SPATA17: variants seen among roughly 807,000 people sequenced by gnomAD.
The protein encoded by SPATA17 is spermatogenesis associated 17.
SPATA17 carries 53 observed loss-of-function variants against 62.2 expected under a neutral mutation model. That is an observed-to-expected ratio of 0.85 (90% CI 0.68 to 1.07). The LOEUF (loss-of-function observed/expected upper bound fraction) is 1.07, where lower values mean the gene tolerates loss of function less well. Ranked by LOEUF, SPATA17 falls within the 50% of genes least tolerant of loss-of-function variation. The pLI is 0.00. For synonymous variants in SPATA17, 146 were observed against 146.8 expected, an observed-to-expected ratio of 0.99 and a Z score of 0.04; for missense variants, 466 against 425.5, an observed-to-expected ratio of 1.10 and a Z score of -0.84.
At chr1:217,713,166 G>A (rs888734317) in intron 5 of SPATA17, among the ~76,000 whole-genome samples, 3 of 152,114 alleles carry the variant, frequency 2.0e-5, no homozygotes, top group Admixed American at 6.5e-5. Context: ...GTGAAGGTGT[G>A]GCAAATGGAA....
Position 217,651,113 on chromosome 1 carries a change from G to A in SPATA17, c.175G>A (p.Val59Ile), listed in dbSNP as rs761473708. 1.2e-6 allele frequency: 2 copies of A among 1,608,260 alleles called. No individual in the cohort carries two copies. Among genetic ancestry groups the A allele is most frequent in the African/African-American group, 2.7e-5 (2 of 74,706 alleles). Reference sequence around the variant, plus strand: ...TTATCCTAGGCATTTAAACAGGATTGTAACAATTATTCAAAAATGGTGGAG... The same window carrying A: ...TTATCCTAGGCATTTAAACAGGATTATAACAATTATTCAAAAATGGTGGAG... ...RAYIRHLNRI[V>I]TIIQKWWRSF... The change falls in exon 3 of 11, where the codon GTA (valine) becomes ATA (isoleucine). Residue 59 changes from valine to isoleucine, a missense_variant. By Grantham distance (29) the Val-to-Ile change is conservative (BLOSUM62 3). Transcript: ENST00000366933.
chr1:217,754,674 A>G (rs1271811591), intron 6 of SPATA17, among the ~76,000 whole-genome samples: 1 of 152,110 alleles, frequency 6.6e-6, no homozygotes, highest in East Asian at 1.9e-4. Flanking sequence ...AGTGTCTCTG[A>G]TATTTAATCC....
chr1:217,652,373 A>C (rs1476692469), intron 3 of SPATA17, among the ~76,000 whole-genome samples: 1 of 152,156 alleles, frequency 6.6e-6, no homozygotes, highest in African/African-American at 2.4e-5. Context: ...CTGGGATTAC[A>C]GGCTCCAGCC....
At chr1:217,672,092 A>T (rs1010108617) in intron 4 of SPATA17, among the ~76,000 whole-genome samples, 1 of 152,186 alleles carries the variant, frequency 6.6e-6, no homozygotes, top group African/African-American at 2.4e-5. Flanking sequence ...GATTTTTGCA[A>T]GATGGCACTC....
chr1:217,824,387 T>G (rs1015237409), intron 9 of SPATA17, among the ~76,000 whole-genome samples: 1 of 151,744 alleles, frequency 6.6e-6, no homozygotes, highest in Non-Finnish European at 1.5e-5. Flanking sequence ...CAAGTAGGTA[T>G]AGAATACCAG....
At chr1:217,715,172 CATTAT>C (rs1471532102) in intron 5 of SPATA17, among the ~76,000 whole-genome samples, 5 of 152,072 alleles carry the variant, frequency 3.3e-5, no homozygotes, top group African/African-American at 4.8e-5. Context: ...ACACACATTA[CATTAT>C]ATGTTTAAAA....
At chr1:217,642,991 C>G (rs1670099249) in intron 1 of SPATA17, among the ~76,000 whole-genome samples, 1 of 152,068 alleles carries the variant, frequency 6.6e-6, no homozygotes, top group Non-Finnish European at 1.5e-5. Context: ...ATGCACATTG[C>G]TATTATGTTG....
At chr1:217,795,940 CCTT>C (rs1256734190) in intron 8 of SPATA17, among the ~76,000 whole-genome samples, 3 of 151,956 alleles carry the variant, frequency 2.0e-5, no homozygotes, top group Admixed American at 1.3e-4. Context: ...TGAGACTACA[CCTT>C]CTCACCACCA....
At chr1:217,818,440 C>T (rs375144490) in intron 9 of SPATA17, among the ~76,000 whole-genome samples, 37 of 152,094 alleles carry the variant, frequency 2.4e-4, no homozygotes, top group Admixed American at 9.2e-4. Context: ...TACAGACCTA[C>T]GGTATATGGT....
intron 8 of SPATA17, among the ~76,000 whole-genome samples, chr1:217,783,993 T>C (rs1023313584): frequency 6.6e-6 from 1 of 152,150 alleles, no homozygotes; most frequent in Non-Finnish European, 1.5e-5. Flanking sequence ...AAAAAAAATT[T>C]CTTATAGATT....
intron 6 of SPATA17, among the ~76,000 whole-genome samples, chr1:217,763,127 T>C (rs1280571558): frequency 2.6e-5 from 4 of 152,222 alleles, no homozygotes; most frequent in East Asian, 1.9e-4. Flanking sequence ...ACTTATCATA[T>C]GTAGAGGCCA....
chr1:217,691,283 G>T (rs1432279883), intron 5 of SPATA17, among the ~76,000 whole-genome samples: 1 of 97,090 alleles, frequency 1.0e-5, no homozygotes, highest in East Asian at 2.7e-4. Context: ...CTGCATAAAT[G>T]TCTTCTTTTG....
chr1:217,791,775 T>C (rs183190328), intron 8 of SPATA17, among the ~76,000 whole-genome samples: 342 of 152,270 alleles, frequency 2.2e-3, no homozygotes, highest in Non-Finnish European at 4.0e-3. Context: ...GAGTGAAAGA[T>C]CAGATAGCTT....
At chr1:217,699,043 A>G (rs1316611656) in intron 5 of SPATA17, among the ~76,000 whole-genome samples, 1 of 152,106 alleles carries the variant, frequency 6.6e-6, no homozygotes. Flanking sequence ...AAGTTGTTGC[A>G]TGTATTGATA....
chr1:217,862,677 A>G, intron 9 of SPATA17, 97 bp from the exon 10 acceptor site: 1 of 858,128 alleles, frequency 1.2e-6, no homozygotes, highest in South Asian at 1.9e-5. Context: ...CAGTTGAAAG[A>G]CATCTGTCTA....
rs1222959568 is a variant in SPATA17, at chr1:217,667,566, C to T, written c.241-1467C>T. Among the ~76,000 whole-genome samples, 3 of 152,106 alleles carry T rather than the reference C, an allele frequency of 2.0e-5. No homozygotes were observed. The South Asian group carries it at 6.2e-4, about 32-fold the overall frequency. ...AGACTTTCAGTAAGTTGTTCACGGCCACACAGCTGTTAAAAGCAAAGCCAG... is the reference window on the plus strand; with the variant it reads ...AGACTTTCAGTAAGTTGTTCACGGCTACACAGCTGTTAAAAGCAAAGCCAG... On this transcript the variant is annotated intron_variant, in intron 3 of 10. Coordinates refer to ENST00000366933, the MANE Select transcript of SPATA17 (RefSeq NM_138796.4).
In SPATA17 at chr1:217,804,953, A is replaced by C. The variant is rs1674397856; in HGVS notation, c.1005+3103A>C. The stretch of plus-strand genomic sequence containing the variant: ...ACTATTGGTGGGAATACAAATTAGT[A>C]CAGTCATTATGGAAAATGGAGGTTC... On this transcript the variant is annotated intron_variant, in intron 9 of 10. Transcript: ENST00000366933. 2.0e-5 allele frequency among the ~76,000 whole-genome samples: 3 copies of C among 152,330 alleles called. No individual in the cohort carries two copies. The South Asian group carries it at 6.2e-4, about 32-fold the overall frequency.
chr1:217,776,696 AG>A (rs1159529155), intron 7 of SPATA17, among the ~76,000 whole-genome samples: 4 of 149,792 alleles, frequency 2.7e-5, no homozygotes, highest in Non-Finnish European at 5.9e-5. Context: ...AAAAAAAAAA[AG>A]ATGTCAACCA....
At chr1:217,685,254 T>G (rs1327017956) in intron 5 of SPATA17, among the ~76,000 whole-genome samples, 1 of 152,188 alleles carries the variant, frequency 6.6e-6, no homozygotes, top group Non-Finnish European at 1.5e-5. Flanking sequence ...ATTCTGCACT[T>G]CAGGGGCCTT....
Sources: gnomAD v4.1 joint callset for allele counts (sites outside exome capture counted in the v4.1 genomes callset) on GRCh38, gnomAD v4.1.1 for gene constraint, MANE v1.5 for transcripts, NCBI Gene and HGNC (gene_info 2026-07-23, HGNC 2026-07-21) for gene names.